CCND3: variants seen among roughly 807,000 people sequenced by gnomAD.
CCND3 encodes the protein G1/S-specific cyclin-D3.
A neutral mutation model predicts 28.7 loss-of-function variants in CCND3; 9 were observed. The observed-to-expected ratio is 0.31, with a 90% CI of 0.19 to 0.55. The LOEUF (loss-of-function observed/expected upper bound fraction) is 0.55. Among genes scored for constraint, CCND3 ranks in the 20% least tolerant of loss-of-function variants. CCND3 has a pLI of 0.93. For synonymous variants in CCND3, 164 were observed against 163.9 expected, an observed-to-expected ratio of 1.00 and a Z score of 0.00; for missense variants, 315 against 385.8, an observed-to-expected ratio of 0.82 and a Z score of 1.54.
intron 1 of CCND3, among the ~76,000 whole-genome samples, chr6:42,046,075 C>T (rs1468550929): frequency 6.6e-6 from 1 of 152,226 alleles, no homozygotes; most frequent in East Asian, 1.9e-4. Flanking sequence ...CGACTCCCAG[C>T]ATCAATACCC....
rs1311213929 is a variant in CCND3 at position 41,941,032 on chromosome 6, C to A, written c.198+420G>T. 6.2e-7 allele frequency: 1 copy of A among 1,605,322 alleles called. No individual in the cohort carries two copies. Among genetic ancestry groups the A allele is most frequent in the African/African-American group, 1.3e-5 (1 of 74,728 alleles). ...TCGGCCGGAACAGGGCGCGCGCCAC[C>A]CCCATCGCCTTCCCCGCCAGAACCC... On this transcript the variant is annotated intron_variant, in intron 1 of 4. Transcript: ENST00000372991. The surrounding 1 kb of genome is among the most constrained non-coding windows in gnomAD (Gnocchi z 6.1).
upstream of CCND3, chr6:42,049,807 T>A (rs1377728290): frequency 6.6e-6 from 1 of 152,182 alleles, no homozygotes; most frequent in Non-Finnish European, 1.5e-5. Context: ...TTTCCCAACA[T>A]TACTCGCTCA....
chr6:42,001,719 C>T (rs371384564), intron 1 of CCND3, among the ~76,000 whole-genome samples: 6 of 151,916 alleles, frequency 3.9e-5, no homozygotes, highest in Non-Finnish European at 2.9e-5. Context: ...TCAAAAAAAG[C>T]GGGGCGGGGG....
chr6:41,986,418 T>C (rs1295760314), intron 1 of CCND3, among the ~76,000 whole-genome samples: 1 of 151,994 alleles, frequency 6.6e-6, no homozygotes, highest in Non-Finnish European at 1.5e-5. Context: ...CAGAATATCA[T>C]TCCATTTATT....
In CCND3 at chr6:41,935,705, C is replaced by T. The variant is rs565914747; in HGVS notation, c.*235G>A. 3.9e-5 allele frequency: 21 copies of T among 540,462 alleles called. No individual in the cohort carries two copies. Among genetic ancestry groups the T allele is most frequent in the East Asian group, 3.1e-4 (11 of 35,198 alleles). The allele number at this position is 540,462 out of a possible 1,614,324, so 33.5% of individuals were successfully genotyped here. On this transcript the variant is annotated 3_prime_UTR_variant, in exon 5 of 5. Transcript: ENST00000372991. ...CACCCCCAGCTAGAGTTGGGAAAGGCGCTGCTGGTCAGATGCAGGGAGGAG... is the reference window on the plus strand; with the variant it reads ...CACCCCCAGCTAGAGTTGGGAAAGGTGCTGCTGGTCAGATGCAGGGAGGAG...
intron 1 of CCND3, among the ~76,000 whole-genome samples, chr6:42,037,661 G>A (rs1011906951): frequency 6.6e-5 from 10 of 152,092 alleles, no homozygotes; most frequent in Admixed American, 6.6e-4. Flanking sequence ...GGTATAGGGA[G>A]GGACAAGTCA....
intron 1 of CCND3, among the ~76,000 whole-genome samples, chr6:41,966,348 A>G (rs1266795084): frequency 1.3e-5 from 2 of 152,040 alleles, no homozygotes; most frequent in Non-Finnish European, 2.9e-5. Context: ...GGAGCCCAGG[A>G]GGTCGAGGCT....
chr6:41,937,305 G>A lies in CCND3; in HGVS notation c.504C>T (p.Leu168=), dbSNP rs761379615. The A allele has an allele frequency of 1.2e-6, 2 of 1,614,210 alleles. No homozygotes were observed. Among genetic ancestry groups the A allele is most frequent in the Non-Finnish European group, 8.5e-7 (1 of 1,180,044 alleles). ...HDFLAFILHR[L]SLPRDRQALV... is the part of the protein sequence containing the mutation. ...AGGCCTGTCGGTCACGGGGCAGAGA[G>A]AGCCGGTGCAGAATGAAGGCCAGGA... The change falls in exon 3 of 5, where the codon CTC becomes CTT. Residue 168 remains leucine (L), a synonymous_variant. Coordinates refer to ENST00000372991, the MANE Select transcript of CCND3 (RefSeq NM_001760.5).
At chr6:42,000,309 G>T (rs533983345) in intron 1 of CCND3, among the ~76,000 whole-genome samples, 1 of 119,424 alleles carries the variant, frequency 8.4e-6, no homozygotes, top group African/African-American at 3.2e-5. Context: ...GCGCGATCTC[G>T]GCTCACTGCA....
At chr6:42,036,325 A>T (rs570420065) in intron 1 of CCND3, among the ~76,000 whole-genome samples, 67 of 119,924 alleles carry the variant, frequency 5.6e-4, no homozygotes, top group East Asian at 3.5e-3. Context: ...TATATATATA[A>T]AATATATATA....
intron 1 of CCND3, among the ~76,000 whole-genome samples, chr6:42,042,946 G>C (rs1434375450): frequency 6.6e-6 from 1 of 152,194 alleles, no homozygotes; most frequent in South Asian, 2.1e-4. Flanking sequence ...AGGCTCTCTC[G>C]ACCACTCCAT....
chr6:41,951,056 T>C (rs1049980933), intron 1 of CCND3, among the ~76,000 whole-genome samples: 4 of 152,000 alleles, frequency 2.6e-5, no homozygotes, highest in African/African-American at 9.6e-5. Context: ...GATATGATGA[T>C]CCTCCATGAT....
At position 41,939,649 on chromosome 6, in the gene CCND3, AT is replaced by A. The variant is rs1353613559; in HGVS notation, c.414+720del. Reference sequence around the variant, plus strand: ...GCGGGCCAGGGGAGGGGGCACCATTATCACATCGGAAGCAGATGCAGCTCAC... The same window carrying A: ...GCGGGCCAGGGGAGGGGGCACCATTACACATCGGAAGCAGATGCAGCTCAC... On this transcript the variant is annotated intron_variant, in intron 2 of 4. Coordinates refer to ENST00000372991, the MANE Select transcript of CCND3 (RefSeq NM_001760.5). This position sits in a 1 kb window ranked among gnomAD's most constrained non-coding sequence, Gnocchi z 4.2. 6.6e-6 allele frequency among the ~76,000 whole-genome samples: 1 copy of A among 152,066 alleles called. No individual in the cohort carries two copies. Among genetic ancestry groups the A allele is most frequent in the East Asian group, 1.9e-4 (1 of 5,162 alleles).
At chr6:41,975,200 T>G (rs1762141716) in intron 1 of CCND3, among the ~76,000 whole-genome samples, 1 of 152,174 alleles carries the variant, frequency 6.6e-6, no homozygotes, top group Admixed American at 6.6e-5. Context: ...ATATAATGCT[T>G]AACTATTTTA....
At position 41,936,898 on chromosome 6, in the gene CCND3, C is replaced by G. The variant is rs1035630288; in HGVS notation, c.575-203G>C. The G allele has an allele frequency of 1.6e-6, 1 of 609,980 alleles. No homozygotes were observed. Among genetic ancestry groups the G allele is most frequent in the African/African-American group, 1.9e-5 (1 of 53,976 alleles). The allele number at this position is 609,980 out of a possible 1,614,324, so 37.8% of individuals were successfully genotyped here. The stretch of plus-strand genomic sequence containing the variant: ...TTTCCTAGAGATCAGAACCAACTGC[C>G]AGTTTCCATAGGTCCCGGGAATAGA... On this transcript the variant is annotated intron_variant, in intron 3 of 4. Coordinates refer to ENST00000372991, the MANE Select transcript of CCND3 (RefSeq NM_001760.5). The surrounding 1 kb of genome is among the most constrained non-coding windows in gnomAD (Gnocchi z 4.4).
chr6:42,029,450 G>A (rs1304612065), intron 1 of CCND3, among the ~76,000 whole-genome samples: 1 of 152,102 alleles, frequency 6.6e-6, no homozygotes, highest in Non-Finnish European at 1.5e-5. Flanking sequence ...AGACGGCCTT[G>A]GGAGCCTCAA....
chr6:41,987,407 G>C (rs1229600919), intron 1 of CCND3, among the ~76,000 whole-genome samples: 1 of 151,502 alleles, frequency 6.6e-6, no homozygotes, highest in East Asian at 1.9e-4. Context: ...GAGTACTTCT[G>C]CTTAACTTTA....
chr6:41,944,890 C>T (rs151263675), upstream of CCND3, among the ~76,000 whole-genome samples: 6 of 152,272 alleles, frequency 3.9e-5, no homozygotes, highest in Admixed American at 3.9e-4. Flanking sequence ...GCTAGATCAT[C>T]CCTGACTTTC....
chr6:41,971,058 C>T (rs1762021578), intron 1 of CCND3, among the ~76,000 whole-genome samples: 1 of 151,994 alleles, frequency 6.6e-6, no homozygotes, highest in African/African-American at 2.4e-5. Context: ...GCTGGGATTA[C>T]AGGTGCATGC....
Sources: allele counts gnomAD v4.1 joint callset (sites outside exome capture counted in the v4.1 genomes callset), GRCh38; gene constraint gnomAD v4.1.1; non-coding constraint Gnocchi (gnomAD v3.1); transcripts MANE v1.5; gene names NCBI Gene and HGNC (gene_info 2026-07-23, HGNC 2026-07-21).